CAMTA1: variants seen among roughly 807,000 people sequenced by gnomAD.
The protein encoded by CAMTA1 is calmodulin binding transcription activator 1, also known as calmodulin-binding transcription activator 1.
Under a neutral mutation model 170.9 loss-of-function variants are expected in CAMTA1, and 27 were observed. That is an observed-to-expected ratio of 0.16 (90% confidence interval 0.12 to 0.22). CAMTA1 has a LOEUF of 0.22. Among genes scored for constraint, CAMTA1 ranks in the 10% least tolerant of loss-of-function variants. CAMTA1 has a pLI of 1.00. For synonymous variants in CAMTA1, 833 were observed against 891.5 expected (o/e 0.93, Z 1.17); for missense variants, 1,619 against 2,217.2 (o/e 0.73, Z 5.42).
intron 5 of CAMTA1, among the ~76,000 whole-genome samples, chr1:7,255,223 G>A (rs140106383): frequency 1.2e-4 from 19 of 152,090 alleles, no homozygotes; most frequent in African/African-American, 2.4e-4. Context: ...CCACTGTGGC[G>A]CGTGTATACC....
At chr1:7,715,800 G>C (rs2096605450) in intron 11 of CAMTA1, among the ~76,000 whole-genome samples, 1 of 152,218 alleles carries the variant, frequency 6.6e-6, no homozygotes, top group African/African-American at 2.4e-5. Context: ...GCATGGGAGA[G>C]CAGTCCTTGA....
chr1:7,377,931 T>C (rs2086970310), intron 5 of CAMTA1, among the ~76,000 whole-genome samples: 1 of 152,068 alleles, frequency 6.6e-6, no homozygotes, highest in Non-Finnish European at 1.5e-5. Flanking sequence ...AAAAAAATAA[T>C]AATTAAAAAA....
intron 1 of CAMTA1, among the ~76,000 whole-genome samples, chr1:6,786,806 A>G (rs941205451): frequency 4.6e-5 from 7 of 152,026 alleles, no homozygotes; most frequent in African/African-American, 1.7e-4. Flanking sequence ...GCGCCCCAAT[A>G]AGATGTAGGG....
At chr1:7,120,921 A>C (rs896220138) in intron 4 of CAMTA1, among the ~76,000 whole-genome samples, 1 of 152,360 alleles carries the variant, frequency 6.6e-6, no homozygotes, top group South Asian at 2.1e-4. Context: ...ATCATTTCAT[A>C]AAGTTATCTT....
chr1:7,026,115 G>A (rs1192080948), intron 3 of CAMTA1, among the ~76,000 whole-genome samples: 1 of 150,208 alleles, frequency 6.7e-6, no homozygotes, highest in African/African-American at 2.5e-5. Flanking sequence ...GCGAGACCCT[G>A]CCTTAAAAAA....
At chr1:7,746,196 T>A (rs1000074979) in intron 18 of CAMTA1, 105 bp downstream of exon 18, 14 of 1,365,488 alleles carry the variant, frequency 1.0e-5, no homozygotes, top group Non-Finnish European at 1.3e-5. Flanking sequence ...CTTTTTTTCC[T>A]CTGAATTTGT....
intron 7 of CAMTA1, among the ~76,000 whole-genome samples, chr1:7,648,488 GC>G (rs1027732751): frequency 5.3e-5 from 8 of 152,180 alleles, no homozygotes; most frequent in Non-Finnish European, 7.4e-5. Context: ...GGGGGGATCA[GC>G]CCCGGGTGGG....
chr1:7,462,046 C>T (rs555090975), intron 5 of CAMTA1, among the ~76,000 whole-genome samples: 3 of 152,344 alleles, frequency 2.0e-5, no homozygotes, highest in Non-Finnish European at 4.4e-5. Context: ...TTTTGAAGGA[C>T]GATATAATCC....
intron 11 of CAMTA1, among the ~76,000 whole-genome samples, chr1:7,711,749 ACT>A (rs2096572353): frequency 6.6e-6 from 1 of 151,902 alleles, no homozygotes; most frequent in African/African-American, 2.4e-5. Context: ...AAGCGATGTC[ACT>A]CTAGCCAGAA....
At chr1:7,059,386 G>A (rs556165491) in intron 3 of CAMTA1, among the ~76,000 whole-genome samples, 2 of 152,330 alleles carry the variant, frequency 1.3e-5, no homozygotes, top group South Asian at 4.1e-4. Flanking sequence ...GGGAGGCCAA[G>A]GCAGGAGGAT....
chr1:6,815,949 G>C (rs535013570), intron 1 of CAMTA1, among the ~76,000 whole-genome samples: 21 of 152,306 alleles, frequency 1.4e-4, no homozygotes, highest in Admixed American at 1.4e-3. Flanking sequence ...GGGGAAGTCA[G>C]AGAGTTGCCC....
At chr1:7,289,521 C>T (rs532026974) in intron 5 of CAMTA1, among the ~76,000 whole-genome samples, 1 of 152,330 alleles carries the variant, frequency 6.6e-6, no homozygotes, top group Non-Finnish European at 1.5e-5. Flanking sequence ...TTTGCACTCT[C>T]ACCTTCGTGT....
rs2096083296 is a variant in CAMTA1 at position 7,673,784 on chromosome 1, A to T, written c.2779+2747A>T. 7.4e-6 allele frequency among the ~76,000 whole-genome samples: 1 copy of T among 134,754 alleles called. No homozygotes were observed. The highest frequency in any genetic ancestry group is 1.7e-5 in the Non-Finnish European group (1 of 58,558). The allele number at this position is 134,754 out of a possible 152,430, so 88.4% of individuals were successfully genotyped here. On this transcript the variant is annotated intron_variant, in intron 10 of 22. Transcript: ENST00000303635. This position sits in a 1 kb window ranked among gnomAD's most constrained non-coding sequence, Gnocchi z 4.6. ...ACATTGCTCTGTAAAACAGCACTGG[A>T]TGTATTAATTCATTCATTCATTTCT...
Position 7,093,544 on chromosome 1 carries a change from A to G in CAMTA1, c.302+2173A>G, listed in dbSNP as rs1641723630. On this transcript the variant is annotated intron_variant, in intron 4 of 22. Coordinates refer to ENST00000303635, the MANE Select transcript of CAMTA1 (RefSeq NM_015215.4). This position sits in a 1 kb window ranked among gnomAD's most constrained non-coding sequence, Gnocchi z 4.6. ...CGTCCTGGGCCAGACATCTGATTTC[A>G]GATACGCAGACCCGTGCTGGGTTTC... is the stretch of plus-strand genomic sequence containing the variant. 2.0e-5 allele frequency among the ~76,000 whole-genome samples: 3 copies of G among 152,222 alleles called. No homozygotes were observed. In the South Asian group the frequency reaches 6.2e-4, roughly 32 times the overall value.
Position 7,087,781 on chromosome 1 carries a change from C to A in CAMTA1, c.235-3523C>A, listed in dbSNP as rs1007534900. 2.0e-5 allele frequency among the ~76,000 whole-genome samples: 3 copies of A among 152,238 alleles called. No homozygotes were observed. The East Asian group carries it at 5.8e-4, about 29-fold the overall frequency. On this transcript the variant is annotated intron_variant, in intron 3 of 22. Coordinates refer to ENST00000303635, the MANE Select transcript of CAMTA1 (RefSeq NM_015215.4). ...CATAAGTCCTAGGGCAGTACCTCCA[C>A]CACCTTAGCATTGGTGACATTGATG...
chr1:7,592,710 C>T lies in CAMTA1; in HGVS notation c.511-47690C>T, dbSNP rs1454401590. On this transcript the variant is annotated intron_variant, in intron 6 of 22. Transcript: ENST00000303635. The surrounding 1 kb of genome is among the most constrained non-coding windows in gnomAD (Gnocchi z 4.6). ...GCTTGTCTGTGCCCTGAACATAGGA[C>T]ACACAGTGTCCTCATGGAGTCAACC... Among the ~76,000 whole-genome samples the T allele has an allele frequency of 6.6e-6, 1 of 152,160 alleles. No homozygotes were observed. The highest frequency in any genetic ancestry group is 1.5e-5 in the Non-Finnish European group (1 of 68,026).
chr1:7,236,481 T>C (rs1200826267), intron 4 of CAMTA1, among the ~76,000 whole-genome samples: 1 of 152,146 alleles, frequency 6.6e-6, no homozygotes, highest in Non-Finnish European at 1.5e-5. Flanking sequence ...GAGGGGTAGC[T>C]GGGGCGTGCC....
intron 5 of CAMTA1, among the ~76,000 whole-genome samples, chr1:7,309,521 G>C (rs7552532): frequency 6.6e-6 from 1 of 151,482 alleles, no homozygotes; most frequent in South Asian, 2.1e-4. Context: ...GGATGGTCTC[G>C]ATCTCCTGAC....
At chr1:6,856,730 A>G (rs566426030) in intron 3 of CAMTA1, among the ~76,000 whole-genome samples, 48 of 152,322 alleles carry the variant, frequency 3.2e-4, no homozygotes, top group Admixed American at 7.8e-4. Context: ...AGAGAGGACA[A>G]TGTAATTCAG....
Sources: allele counts gnomAD v4.1 joint callset (sites outside exome capture counted in the v4.1 genomes callset), GRCh38; gene constraint gnomAD v4.1.1; non-coding constraint Gnocchi (gnomAD v3.1); transcripts MANE v1.5; gene names NCBI Gene and HGNC (gene_info 2026-07-23, HGNC 2026-07-21).